CBLN2: variants seen among roughly 807,000 people sequenced by gnomAD.
The protein encoded by CBLN2 is cerebellin-2.
A neutral mutation model predicts 15.0 loss-of-function variants in CBLN2; 7 were observed. The ratio of observed to expected loss-of-function variants is 0.47; its 90% CI spans 0.27 to 0.88. CBLN2 has a LOEUF of 0.88. CBLN2 is among the 40% of genes least tolerant of loss of function. The probability of loss-of-function intolerance (pLI) is 0.14; values close to 1 mark genes in which losing one functional copy is unlikely to be tolerated. For synonymous variants in CBLN2, 149 were observed against 135.2 expected, an observed-to-expected ratio of 1.10 and a Z score of -0.71; for missense variants, 242 against 304.5, an observed-to-expected ratio of 0.79 and a Z score of 1.53.
chr18:72,615,630 G>T (rs2069656403), intron 1 of CBLN2, among the ~76,000 whole-genome samples: 1 of 152,078 alleles, frequency 6.6e-6, no homozygotes, highest in Admixed American at 6.6e-5. Flanking sequence ...GCTTCTTATT[G>T]ATTTGCTTTT....
chr18:72,608,302 T>C (rs1234547102), intron 1 of CBLN2, among the ~76,000 whole-genome samples: 2 of 152,148 alleles, frequency 1.3e-5, no homozygotes, highest in African/African-American at 2.4e-5. Context: ...GCAGGGAGAA[T>C]AAAAGAGTCA....
At chr18:72,605,915 G>A (rs74367139) in intron 1 of CBLN2, among the ~76,000 whole-genome samples, 1,768 of 151,992 alleles carry the variant, frequency 0.012, 38 homozygotes, top group African/African-American at 0.04. Context: ...CACTACAATG[G>A]CACCTGTGTG....
rs72634440 is a variant in CBLN2 at position 72,567,239 on chromosome 18, C to T, written c.16-28467G>A. ...ATTCCATAAATATGTATGATTATCA[C>T]ATGTCAATCAAAAATAATAATAAGA... On this transcript the variant is annotated intron_variant, in intron 1 of 2. Transcript: ENST00000581073. Among the ~76,000 whole-genome samples, 7,565 of 152,200 alleles carry T rather than the reference C, an allele frequency of 0.05. 834 individuals are homozygous for T. The East Asian group carries it at 0.5, about 10-fold the overall frequency.
intron 3 of CBLN2, 30 bp downstream of exon 3, chr18:72,541,774 G>C (rs759503149): frequency 4.5e-5 from 68 of 1,497,812 alleles, no homozygotes; most frequent in Non-Finnish European, 5.9e-5. Context: ...TCCCCGGGCT[G>C]GGGGCGGGGT....
intron 1 of CBLN2, among the ~76,000 whole-genome samples, chr18:72,602,842 C>T (rs1568128972): frequency 6.6e-6 from 1 of 152,212 alleles, no homozygotes; most frequent in Non-Finnish European, 1.5e-5. Context: ...GCCTAGCCAG[C>T]TTCCTAATCA....
chr18:72,590,597 A>G (rs1215138897), intron 1 of CBLN2, among the ~76,000 whole-genome samples: 2 of 152,256 alleles, frequency 1.3e-5, no homozygotes, highest in Admixed American at 6.5e-5. Context: ...CATAAAACAA[A>G]AATATAAAAT....
At chr18:72,597,636 T>G (rs1171756900) in intron 1 of CBLN2, among the ~76,000 whole-genome samples, 1 of 152,176 alleles carries the variant, frequency 6.6e-6, no homozygotes, top group Non-Finnish European at 1.5e-5. Flanking sequence ...GGGAGACAAG[T>G]TCCCCCTGTC....
intron 1 of CBLN2, among the ~76,000 whole-genome samples, chr18:72,617,498 C>T (rs550296459): frequency 2.0e-5 from 3 of 152,098 alleles, no homozygotes; most frequent in African/African-American, 7.2e-5. Context: ...TGAATTGAGT[C>T]AATTAATGGA....
intron 1 of CBLN2, among the ~76,000 whole-genome samples, chr18:72,599,232 T>A (rs1268493926): frequency 6.6e-6 from 1 of 152,220 alleles, no homozygotes; most frequent in Non-Finnish European, 1.5e-5. Context: ...ATTTTTTAAT[T>A]TTTAATGAAG....
chr18:72,571,818 G>A (rs1322189748), intron 1 of CBLN2, among the ~76,000 whole-genome samples: 2 of 152,198 alleles, frequency 1.3e-5, no homozygotes, highest in African/African-American at 4.8e-5. Context: ...AGACTTAAAT[G>A]AGAGCACTGA....
intron 1 of CBLN2, among the ~76,000 whole-genome samples, chr18:72,606,573 T>C (rs2144948792): frequency 6.6e-6 from 1 of 152,314 alleles, no homozygotes; most frequent in African/African-American, 2.4e-5. Flanking sequence ...AAATCTAAAA[T>C]CTCTCAGAGA....
intron 1 of CBLN2, among the ~76,000 whole-genome samples, chr18:72,625,619 A>G (rs534913871): frequency 1.4e-5 from 2 of 147,836 alleles, no homozygotes; most frequent in East Asian, 3.9e-4. Context: ...GGGTAATACT[A>G]TATATATAAA....
At chr18:72,630,723 T>C (rs779976816) in intron 1 of CBLN2, among the ~76,000 whole-genome samples, 1 of 152,200 alleles carries the variant, frequency 6.6e-6, no homozygotes, top group Non-Finnish European at 1.5e-5. Flanking sequence ...TCATAGGTAC[T>C]AACTCTTTCT....
chr18:72,548,146 T>G (rs1361016470), upstream of CBLN2, among the ~76,000 whole-genome samples: 1 of 152,188 alleles, frequency 6.6e-6, no homozygotes, highest in Non-Finnish European at 1.5e-5. Context: ...TTGAGAGGAC[T>G]CCTTGTCACC....
intron 1 of CBLN2, among the ~76,000 whole-genome samples, chr18:72,557,804 C>T (rs905893894): frequency 2.6e-5 from 4 of 152,128 alleles, no homozygotes; most frequent in Non-Finnish European, 4.4e-5. Flanking sequence ...CTAATGCATG[C>T]TCGACTTAAT....
At chr18:72,555,886 T>C (rs594800) in intron 1 of CBLN2, among the ~76,000 whole-genome samples, 145,548 of 152,188 alleles carry the variant, frequency 0.96, 69,889 homozygotes, top group Non-Finnish European at 1. Context: ...CACTGTGGGG[T>C]ATCCTGTTGG....
At chr18:72,590,072 C>A (rs1349318651) in intron 1 of CBLN2, among the ~76,000 whole-genome samples, 4 of 152,126 alleles carry the variant, frequency 2.6e-5, no homozygotes, top group Admixed American at 2.6e-4. Context: ...TCAAGACCAC[C>A]CTGGCTAACA....
intron 4 of CBLN2, 63 bp downstream of exon 4, chr18:72,538,590 G>A (rs1163200970): frequency 6.3e-7 from 1 of 1,599,438 alleles, no homozygotes; most frequent in African/African-American, 1.3e-5. Context: ...CAGGTGAAGG[G>A]GCCTTTAGCA....
chr18:72,550,413 A>T (rs2069184700), intron 1 of CBLN2, among the ~76,000 whole-genome samples: 1 of 152,220 alleles, frequency 6.6e-6, no homozygotes. Context: ...AAATGCAGGA[A>T]GGCTCAGAAA....
Sources: gnomAD v4.1 joint callset for allele counts (sites outside exome capture counted in the v4.1 genomes callset) on GRCh38, gnomAD v4.1.1 for gene constraint, MANE v1.5 for transcripts, NCBI Gene and HGNC (gene_info 2026-07-23, HGNC 2026-07-21) for gene names.